KDM4C: variants seen among roughly 807,000 people sequenced by gnomAD.
The protein encoded by KDM4C is lysine-specific demethylase 4C.
Under a neutral mutation model 129.3 loss-of-function variants are expected in KDM4C, and 81 were observed. The ratio of observed to expected loss-of-function variants is 0.63; its 90% CI spans 0.52 to 0.75. The LOEUF (loss-of-function observed/expected upper bound fraction) is 0.75. KDM4C is among the 30% of genes least tolerant of loss of function. The pLI, the probability that KDM4C is intolerant of heterozygous loss-of-function variation, is 0.00. For missense variants in KDM4C, 1,457 were observed against 1,304.0 expected (o/e 1.12, Z -1.81); for synonymous variants, 573 against 456.1 (o/e 1.26, Z -3.26).
rs1373300039 is a variant in KDM4C at position 6,833,048 on chromosome 9, A to G, written c.436-16459A>G. 3.9e-5 allele frequency among the ~76,000 whole-genome samples: 6 copies of G among 151,980 alleles called. No individual in the cohort carries two copies. The East Asian group carries it at 5.8e-4, about 15-fold the overall frequency. ...ACTGTGCCTGGTCGTAAAGTAGTAT[A>G]GATTATTGTGTTTTAAATTTTTCAT... is the stretch of plus-strand genomic sequence containing the variant. On this transcript the variant is annotated intron_variant, in intron 4 of 21. Coordinates refer to ENST00000381309, the MANE Select transcript of KDM4C (RefSeq NM_015061.6).
chr9:6,914,143 T>G (rs1404656808), intron 8 of KDM4C, among the ~76,000 whole-genome samples: 1 of 152,198 alleles, frequency 6.6e-6, no homozygotes, highest in Non-Finnish European at 1.5e-5. Context: ...CACCGCAACC[T>G]CTGCTTCCCA....
chr9:6,751,895 T>A (rs1818072264), intron 1 of KDM4C, among the ~76,000 whole-genome samples: 1 of 152,026 alleles, frequency 6.6e-6, no homozygotes, highest in South Asian at 2.1e-4. Flanking sequence ...TTTGATAAAT[T>A]TGAGGTAAAC....
intron 19 of KDM4C, among the ~76,000 whole-genome samples, chr9:7,135,541 G>A (rs1049647134): frequency 2.0e-5 from 3 of 152,120 alleles, no homozygotes; most frequent in African/African-American, 4.8e-5. Context: ...CATGGGCAGC[G>A]GGCACCATGA....
At chr9:6,823,264 A>G (rs942641542) in intron 4 of KDM4C, among the ~76,000 whole-genome samples, 6 of 152,182 alleles carry the variant, frequency 3.9e-5, no homozygotes, top group African/African-American at 1.4e-4. Flanking sequence ...CTCATAGCAT[A>G]ACATGCAGGT....
At chr9:6,923,525 A>G (rs1254168927) in intron 8 of KDM4C, among the ~76,000 whole-genome samples, 2 of 152,198 alleles carry the variant, frequency 1.3e-5, no homozygotes, top group Non-Finnish European at 2.9e-5. Context: ...CAATGACAGA[A>G]TGAAGGTGCA....
chr9:6,809,289 A>G (rs1830718199), intron 3 of KDM4C, among the ~76,000 whole-genome samples: 1 of 152,176 alleles, frequency 6.6e-6, no homozygotes, highest in African/African-American at 2.4e-5. Context: ...TTTCTTTCAG[A>G]CTCTTCCAGA....
In KDM4C at chr9:6,740,370, AT is replaced by A. The variant is rs1333902923; in HGVS notation, c.49+19379del. On this transcript the variant is annotated intron_variant, in intron 1 of 17. Coordinates refer to the KDM4C transcript ENST00000536108. ...AGGCGCCCGTCACCCCACCTGGCTA[AT>A]TTTTTGTATTTTTAGTAGAGATGGG... Among the ~76,000 whole-genome samples, 4 of 151,264 alleles carry A rather than the reference AT, an allele frequency of 2.6e-5. No homozygotes were observed. In the South Asian group the frequency reaches 8.3e-4, roughly 32 times the overall value.
intron 8 of KDM4C, among the ~76,000 whole-genome samples, chr9:6,975,143 CAT>C (rs1563917215): frequency 6.6e-6 from 1 of 152,154 alleles, no homozygotes; most frequent in African/African-American, 2.4e-5. Flanking sequence ...ATAAGGGAGA[CAT>C]ATCCTGGCAC....
chr9:6,918,959 C>A (rs1820827916), intron 8 of KDM4C, among the ~76,000 whole-genome samples: 1 of 152,228 alleles, frequency 6.6e-6, no homozygotes, highest in Non-Finnish European at 1.5e-5. Flanking sequence ...TCAAGCGATT[C>A]TCCTGCCTCA....
intron 19 of KDM4C, among the ~76,000 whole-genome samples, chr9:7,142,734 C>T (rs1192827156): frequency 1.3e-5 from 2 of 149,744 alleles, no homozygotes; most frequent in African/African-American, 5.1e-5. Context: ...GGCTAAAGTC[C>T]CAAGAAATAC....
chr9:7,170,827 TC>T, intron 21 of KDM4C: 1 of 942,142 alleles, frequency 1.1e-6, no homozygotes, highest in South Asian at 4.9e-5. Flanking sequence ...ATCAGGGATG[TC>T]CAATCTTTTT....
chr9:6,885,980 C>G (rs1389161622), intron 6 of KDM4C, among the ~76,000 whole-genome samples: 2 of 152,190 alleles, frequency 1.3e-5, no homozygotes, highest in Non-Finnish European at 2.9e-5. Flanking sequence ...ATAGACTCTT[C>G]TTTCTTCACT....
chr9:7,049,338 C>T (rs1307429412), intron 17 of KDM4C, 138 bp downstream of exon 17: 2 of 486,878 alleles, frequency 4.1e-6, no homozygotes, highest in African/African-American at 4.1e-5. Context: ...TTCCTTTAGC[C>T]TAAATTTATT....
At chr9:6,935,713 T>C (rs1488228738) in intron 8 of KDM4C, among the ~76,000 whole-genome samples, 1 of 152,216 alleles carries the variant, frequency 6.6e-6, no homozygotes, top group Non-Finnish European at 1.5e-5. Context: ...GGAAGTATGA[T>C]ACTTCAAAAT....
chr9:6,787,366 C>G (rs886101218), intron 1 of KDM4C, among the ~76,000 whole-genome samples: 2 of 152,104 alleles, frequency 1.3e-5, no homozygotes, highest in Non-Finnish European at 2.9e-5. Flanking sequence ...CCTAGTAGCT[C>G]GGATCACAGG....
chr9:6,986,548 G>C lies in KDM4C; in HGVS notation c.1559G>C (p.Ser520Thr), dbSNP rs781518557. 26 of 1,614,064 alleles carry C rather than the reference G, an allele frequency of 1.6e-5. No individual in the cohort carries two copies. Among genetic ancestry groups the C allele is most frequent in the Non-Finnish European group, 2.1e-5 (25 of 1,180,042 alleles). ...SPESCSSVAE[S>T]NGVLTEGEES... Reference sequence around the variant, plus strand: ...GAGTCATGCTCATCAGTGGCAGAGAGTAATGGTGTGTTAACAGAGGGAGAA... The same window carrying C: ...GAGTCATGCTCATCAGTGGCAGAGACTAATGGTGTGTTAACAGAGGGAGAA... The change falls in exon 11 of 22, where the codon AGT becomes ACT. Residue 520 changes from serine to threonine, a missense_variant. Coordinates refer to ENST00000381309, the MANE Select transcript of KDM4C (RefSeq NM_015061.6).
At chr9:6,930,555 T>TATGTTATATATGTTATCTATAAC (rs1823493678) in intron 8 of KDM4C, among the ~76,000 whole-genome samples, 3 of 147,296 alleles carry the variant, frequency 2.0e-5, no homozygotes, top group Non-Finnish European at 4.5e-5. Context: ...ATAACAACAG[T>TATGTTATATATGTTATCTATAAC]ATGTTATATA....
intron 1 of KDM4C, among the ~76,000 whole-genome samples, chr9:6,785,005 G>A (rs1454344390): frequency 6.6e-6 from 1 of 152,212 alleles, no homozygotes; most frequent in Non-Finnish European, 1.5e-5. Context: ...TAAGATTGGA[G>A]AACGTGGTCC....
intron 5 of KDM4C, among the ~76,000 whole-genome samples, chr9:6,876,191 GT>G (rs1244251995): frequency 6.6e-6 from 1 of 152,206 alleles, no homozygotes; most frequent in East Asian, 1.9e-4. Context: ...TTTACTGGAT[GT>G]GGGGGGCAGC....
Sources: gnomAD v4.1 joint callset for allele counts (sites outside exome capture counted in the v4.1 genomes callset) on GRCh38, gnomAD v4.1.1 for gene constraint, MANE v1.5 for transcripts, NCBI Gene and HGNC (gene_info 2026-07-23, HGNC 2026-07-21) for gene names.